The following CRACDL variants were observed in gnomAD, a reference collection of about 807,000 sequenced individuals.
The protein encoded by CRACDL is CRACD like, also known as CRACD-like protein.
Under a neutral mutation model 70.6 loss-of-function variants are expected in CRACDL, and 26 were observed. The observed-to-expected ratio is 0.37, with a 90% CI of 0.27 to 0.51. The LOEUF (loss-of-function observed/expected upper bound fraction) is 0.51, where lower values mean the gene tolerates loss of function less well. Among genes scored for constraint, CRACDL ranks in the 20% least tolerant of loss-of-function variants. The pLI is 0.94. For missense variants in CRACDL, 1,283 were observed against 1,376.9 expected, an observed-to-expected ratio of 0.93 and a Z score of 1.08; for synonymous variants, 618 against 615.2, an observed-to-expected ratio of 1.00 and a Z score of -0.07.
At chr2:98,897,998 G>A (rs1004368160) in intron 1 of CRACDL, among the ~76,000 whole-genome samples, 1 of 152,214 alleles carries the variant, frequency 6.6e-6, no homozygotes, top group African/African-American at 2.4e-5. Flanking sequence ...CAGTGGGTGG[G>A]TCAAGGAGCC....
At chr2:98,851,654 GT>G (rs1706487528) in intron 1 of CRACDL, among the ~76,000 whole-genome samples, 1 of 152,164 alleles carries the variant, frequency 6.6e-6, no homozygotes, top group Non-Finnish European at 1.5e-5. Context: ...AGTATCAGCA[GT>G]GATGCCCTCT....
chr2:98,923,703 G>A (rs1708854122), intron 1 of CRACDL, among the ~76,000 whole-genome samples: 1 of 152,178 alleles, frequency 6.6e-6, no homozygotes, highest in Non-Finnish European at 1.5e-5. Context: ...ATGACACCTA[G>A]ACAAGTCTCA....
rs1253163323 is a variant in CRACDL, at chr2:98,822,084, A to C, written c.2189T>G (p.Leu730Arg). ...GCCTCGAAGGGCGGGGGCCGTCCCG[A>C]GGGGACACTTCTCCTCCTTCGGGAG... Reference protein sequence around the residue: ...TVLPKEEKCPLGTAPALRGTR... With the variant: ...TVLPKEEKCPRGTAPALRGTR... Residue 730 changes from leucine to arginine, a missense_variant, in exon 7 of 10, where the codon CTC (leucine) becomes CGC (arginine). Around this residue, in one of 2 missense-constraint regions of CRACDL, gnomAD observed 921 missense variants for 881.9 expected, o/e 1.04. Coordinates refer to ENST00000397899, the MANE Select transcript of CRACDL (RefSeq NM_207362.3). This position sits in a 1 kb window ranked among gnomAD's most constrained non-coding sequence, Gnocchi z 4.9. The C allele has an allele frequency of 6.4e-7, 1 of 1,558,532 alleles. No homozygotes were observed. The highest frequency in any genetic ancestry group is 1.4e-5 in the African/African-American group (1 of 73,340).
intron 1 of CRACDL, among the ~76,000 whole-genome samples, chr2:98,856,648 G>A (rs1706710794): frequency 6.6e-6 from 1 of 151,994 alleles, no homozygotes; most frequent in African/African-American, 2.4e-5. Flanking sequence ...TGCATTGTTG[G>A]GACTATAATG....
chr2:98,830,115 T>C (rs1169588313), intron 5 of CRACDL, among the ~76,000 whole-genome samples: 1 of 152,268 alleles, frequency 6.6e-6, no homozygotes, highest in Non-Finnish European at 1.5e-5. Flanking sequence ...TATCACACTC[T>C]ACCTGGCATG....
chr2:98,869,153 C>T, intron 1 of CRACDL: 2 of 1,304,396 alleles, frequency 1.5e-6, no homozygotes, highest in Non-Finnish European at 2.0e-6. Context: ...CTCTCTCATC[C>T]TCCTGGAAGC....
At chr2:98,863,680 C>T (rs1024957060) in intron 1 of CRACDL, among the ~76,000 whole-genome samples, 1 of 152,246 alleles carries the variant, frequency 6.6e-6, no homozygotes, top group East Asian at 1.9e-4. Context: ...AGAAACCATC[C>T]GTCTCTTGCA....
intron 1 of CRACDL, among the ~76,000 whole-genome samples, chr2:98,866,489 T>C (rs1288037175): frequency 2.2e-5 from 3 of 136,666 alleles, no homozygotes; most frequent in Admixed American, 7.3e-5. Context: ...TTTTTTTTTT[T>C]TTTTTTTTTT....
intron 1 of CRACDL, among the ~76,000 whole-genome samples, chr2:98,852,953 G>A (rs915454304): frequency 7.3e-6 from 1 of 136,994 alleles, no homozygotes; most frequent in African/African-American, 2.7e-5. Flanking sequence ...AAGAAGGAAG[G>A]AGAGGGAAGG....
At chr2:98,805,480 C>T (rs1704250492) in intron 7 of CRACDL, among the ~76,000 whole-genome samples, 1 of 152,136 alleles carries the variant, frequency 6.6e-6, no homozygotes, top group Non-Finnish European at 1.5e-5. Flanking sequence ...TACCCCACAG[C>T]TTCAAGTGCA....
intron 9 of CRACDL, 59 bp from the exon 10 acceptor site, chr2:98,794,730 T>TA: frequency 6.6e-7 from 1 of 1,511,538 alleles, no homozygotes; most frequent in Non-Finnish European, 9.1e-7. Context: ...AATTTTCCCT[T>TA]AAGCCTCTTG....
intron 1 of CRACDL, among the ~76,000 whole-genome samples, chr2:98,859,888 G>C (rs1706867162): frequency 6.6e-6 from 1 of 152,172 alleles, no homozygotes. Context: ...TAGATGACAT[G>C]ATCATGCACA....
intron 2 of CRACDL, among the ~76,000 whole-genome samples, chr2:98,844,438 G>C (rs549135086): frequency 2.6e-5 from 4 of 152,212 alleles, no homozygotes; most frequent in African/African-American, 7.2e-5. Flanking sequence ...TGTGTGCATG[G>C]TGTTCTCCTT....
chr2:98,864,574 T>G, intron 1 of CRACDL, among the ~76,000 whole-genome samples: 1 of 147,304 alleles, frequency 6.8e-6, no homozygotes. Context: ...TGAGACGGAG[T>G]CTCGTTCCAT....
At chr2:98,854,629 T>A (rs914369112) in intron 1 of CRACDL, among the ~76,000 whole-genome samples, 1 of 152,074 alleles carries the variant, frequency 6.6e-6, no homozygotes, top group Non-Finnish European at 1.5e-5. Flanking sequence ...TAGAACCCAA[T>A]AAATGAAATG....
intron 1 of CRACDL, among the ~76,000 whole-genome samples, chr2:98,928,920 G>GA (rs1317897629): frequency 2.0e-5 from 3 of 152,186 alleles, no homozygotes. Context: ...GGTTCCCGTA[G>GA]AAATGATCAC....
In CRACDL at chr2:98,842,837, T is replaced by A. The variant is rs1001869316; in HGVS notation, c.70+3894A>T. The stretch of plus-strand genomic sequence containing the variant: ...TGAAAGACATCTGGGTTCTTTTCAG[T>A]TTTTAGCAATTATAAATAAGTTGCT... On this transcript the variant is annotated intron_variant, in intron 2 of 9. Coordinates refer to ENST00000397899, the MANE Select transcript of CRACDL (RefSeq NM_207362.3). 5.9e-5 allele frequency among the ~76,000 whole-genome samples: 9 copies of A among 152,086 alleles called. No homozygotes were observed. In the South Asian group the frequency reaches 1.9e-3, roughly 32 times the overall value.
chr2:98,927,629 C>CA (rs1447682581), intron 1 of CRACDL, among the ~76,000 whole-genome samples: 1 of 151,966 alleles, frequency 6.6e-6, no homozygotes, highest in Non-Finnish European at 1.5e-5. Flanking sequence ...GACAAAAGCG[C>CA]AAAAAATACA....
intron 1 of CRACDL, among the ~76,000 whole-genome samples, chr2:98,931,557 A>G (rs1709080376): frequency 6.6e-6 from 1 of 152,206 alleles, no homozygotes; most frequent in Non-Finnish European, 1.5e-5. Context: ...TATGGACCTC[A>G]GAGGTTAAGG....
Sources: gnomAD v4.1 joint callset for allele counts (sites outside exome capture counted in the v4.1 genomes callset) on GRCh38, gnomAD v4.1.1 for gene constraint, gnomAD v4.1.1 regional missense constraint, Gnocchi (gnomAD v3.1) non-coding constraint, MANE v1.5 for transcripts, NCBI Gene and HGNC (gene_info 2026-07-23, HGNC 2026-07-21) for gene names.